The following NEK9 variants were observed in gnomAD, a reference collection of about 807,000 sequenced individuals.
The protein encoded by NEK9 is NIMA related kinase 9.
NEK9 carries 75 observed loss-of-function variants against 123.4 expected under a neutral mutation model. The ratio of observed to expected loss-of-function variants is 0.61; its 90% CI spans 0.50 to 0.74. NEK9 has a LOEUF of 0.74. Ranked by LOEUF, NEK9 falls within the 30% of genes least tolerant of loss-of-function variation. The pLI is 0.00. For synonymous variants in NEK9, 438 were observed against 458.7 expected (o/e 0.95, Z 0.58); for missense variants, 952 against 1,214.4 (o/e 0.78, Z 3.21).
chr14:75,091,219 C>T (rs1303047259), intron 19 of NEK9, 51 bp downstream of exon 19: 1 of 1,475,178 alleles, frequency 6.8e-7, no homozygotes, highest in East Asian at 2.4e-5. Context: ...CTTTCTAGTT[C>T]CTGCAAAGGG....
At chr14:75,094,330 A>G (rs1473661508) in intron 18 of NEK9, among the ~76,000 whole-genome samples, 1 of 152,118 alleles carries the variant, frequency 6.6e-6, no homozygotes, top group East Asian at 1.9e-4. Context: ...CCCAGGCCGG[A>G]TTGCAGTGGC....
chr14:75,101,883 A>C lies in NEK9; in HGVS notation c.1732-118T>G, dbSNP rs181273676. 2.8e-5 allele frequency: 18 copies of C among 652,116 alleles called. No individual in the cohort carries two copies. In the East Asian group the frequency reaches 4.3e-4, roughly 16 times the overall value. 40.4% of individuals were successfully genotyped at this position (652,116 alleles called of 1,614,324 possible). The stretch of plus-strand genomic sequence containing the variant: ...GGCCTTTCAAGTAAGTTATATTACT[A>C]AGAAGAGGGTGCCAGGTAGTTTTCC... On this transcript the variant is annotated intron_variant, in intron 14 of 21. Coordinates refer to ENST00000238616, the MANE Select transcript of NEK9 (RefSeq NM_033116.6).
Position 75,101,168 on chromosome 14 carries a change from A to G in NEK9, c.1841-15T>C. 6.2e-6 allele frequency: 10 copies of G among 1,610,074 alleles called. No individual in the cohort carries two copies. Among genetic ancestry groups the G allele is most frequent in the Non-Finnish European group, 8.5e-6 (10 of 1,178,244 alleles). ...CCGGCCTCGCTCTGAGAGAGAAGCA[A>G]AAAGAAATAACAAGGCACAAATGAG... On this transcript the variant is annotated splice_polypyrimidine_tract_variant and intron_variant, in intron 15 of 21. Coordinates refer to ENST00000238616, the MANE Select transcript of NEK9 (RefSeq NM_033116.6).
chr14:75,088,436 G>C (rs762995030), intron 20 of NEK9, 44 bp downstream of exon 20: 2 of 1,592,790 alleles, frequency 1.3e-6, no homozygotes, highest in Admixed American at 3.5e-5. Context: ...AGCTTGCAGT[G>C]ACTGTTTACC....
chr14:75,097,098 A>T lies in NEK9; in HGVS notation c.2173+2T>A. ...CCAACCCCAGACATATGAAACTCTT[A>T]CCAACGATGAGAATGGTATGCCATC... On this transcript the variant is annotated splice_donor_variant, in intron 17 of 21. Coordinates refer to ENST00000238616, the MANE Select transcript of NEK9 (RefSeq NM_033116.6). LOFTEE classifies it high-confidence loss of function. 1 of 1,601,506 alleles carries T rather than the reference A, an allele frequency of 6.2e-7. No individual in the cohort carries two copies.
rs1213036633 is a variant in NEK9 at position 75,079,415 on chromosome 14, G to A, written c.*5149C>T. ...AGGTATCACATAATAAAGCTTTATG[G>A]TTAGCCCCTTAAGGAAACCTCACAC... is the stretch of plus-strand genomic sequence containing the variant. On this transcript the variant is annotated 3_prime_UTR_variant, in exon 22 of 22. Transcript: ENST00000238616. 1 of 152,082 alleles carries A rather than the reference G, an allele frequency of 6.6e-6. No individual in the cohort carries two copies. The highest frequency in any genetic ancestry group is 1.9e-4 in the East Asian group (1 of 5,198). 9.4% of individuals were successfully genotyped at this position (152,082 alleles called of 1,614,324 possible).
intron 14 of NEK9, among the ~76,000 whole-genome samples, 169 bp downstream of exon 14, chr14:75,103,673 G>T (rs1040686054): frequency 6.6e-6 from 1 of 152,148 alleles, no homozygotes; most frequent in African/African-American, 2.4e-5. Flanking sequence ...CACAGATAGA[G>T]CTATATAGCA....
At chr14:75,123,915 T>G (rs989192439) in intron 2 of NEK9, 131 bp downstream of exon 2, 1 of 773,884 alleles carries the variant, frequency 1.3e-6, no homozygotes, top group African/African-American at 1.7e-5. Context: ...GCCTGAAAAG[T>G]TTCTCTTAAA....
In NEK9 at chr14:75,095,389, C is replaced by G. The variant is rs763558636; in HGVS notation, c.2216G>C (p.Gly739Ala). The G allele has an allele frequency of 3.1e-6, 5 of 1,613,140 alleles. No homozygotes were observed. The highest frequency in any genetic ancestry group is 4.2e-6 in the Non-Finnish European group (5 of 1,179,374). Residue 739 changes from glycine to alanine, a missense_variant, in exon 18 of 22, where the codon GGC (glycine) becomes GCC (alanine). Physicochemically the swap from Gly to Ala is moderately conservative, Grantham distance 60. Coordinates refer to ENST00000238616, the MANE Select transcript of NEK9 (RefSeq NM_033116.6). ...GTACTTACCAGTTCCAATGGATAAGCCACTGCTATTGGAACGGATGGTCTT... is the reference window on the plus strand; with the variant it reads ...GTACTTACCAGTTCCAATGGATAAGGCACTGCTATTGGAACGGATGGTCTT... ...NSKTIRSNSSGLSIGTVFQSS... is the reference protein window; with the variant it reads ...NSKTIRSNSSALSIGTVFQSS...
rs1895558315 is a variant in NEK9 at position 75,126,967 on chromosome 14, G to T, written c.-46C>A. ...GGGACCAGCCTGCGTATGCCCGGAGGCCCTGGCCGCGCTGCGTCCCGCTCG... is the reference window on the plus strand; with the variant it reads ...GGGACCAGCCTGCGTATGCCCGGAGTCCCTGGCCGCGCTGCGTCCCGCTCG... On this transcript the variant is annotated 5_prime_UTR_variant, in exon 1 of 22. Coordinates refer to ENST00000238616, the MANE Select transcript of NEK9 (RefSeq NM_033116.6). The T allele has an allele frequency of 1.0e-5, 14 of 1,376,788 alleles. No homozygotes were observed. Among genetic ancestry groups the T allele is most frequent in the Non-Finnish European group, 1.3e-5 (14 of 1,052,516 alleles). 85.3% of individuals were successfully genotyped at this position (1,376,788 alleles called of 1,614,324 possible). A position where few individuals can be genotyped will look rare whatever the true frequency, so the allele number is the denominator to read the frequency against.
chr14:75,090,728 CA>C (rs1056821805), intron 19 of NEK9, among the ~76,000 whole-genome samples: 120 of 152,068 alleles, frequency 7.9e-4, no homozygotes, highest in African/African-American at 2.8e-3. Flanking sequence ...CACACTACTA[CA>C]CCCGGCTAAT....
chr14:75,119,832 C>T (rs188660806), intron 4 of NEK9, among the ~76,000 whole-genome samples: 4 of 152,046 alleles, frequency 2.6e-5, no homozygotes, highest in East Asian at 1.9e-4. Flanking sequence ...TTGAAAGATG[C>T]GAATAAACCA....
intron 1 of NEK9, among the ~76,000 whole-genome samples, chr14:75,125,070 C>T (rs1371023721): frequency 6.6e-6 from 1 of 151,786 alleles, no homozygotes; most frequent in South Asian, 2.1e-4. Context: ...CACTGTGCCT[C>T]GCCTCATTCT....
intron 20 of NEK9, among the ~76,000 whole-genome samples, chr14:75,088,273 C>G (rs991122260): frequency 6.6e-6 from 1 of 152,196 alleles, no homozygotes; most frequent in African/African-American, 2.4e-5. Context: ...AAGGTGTTAG[C>G]CTGTCAGAAA....
intron 4 of NEK9, 49 bp from the exon 5 acceptor site, chr14:75,118,984 A>T: frequency 9.7e-7 from 1 of 1,032,470 alleles, no homozygotes; most frequent in Non-Finnish European, 1.5e-6. Context: ...TAATTGTTTT[A>T]TTTCATCCCC....
chr14:75,086,128 G>A (rs1332688020), intron 21 of NEK9, among the ~76,000 whole-genome samples: 1 of 151,860 alleles, frequency 6.6e-6, no homozygotes, highest in Non-Finnish European at 1.5e-5. Flanking sequence ...GGTGGAGGTT[G>A]CAGTAAGCCG....
chr14:75,102,338 T>C (rs1894610760), intron 14 of NEK9, among the ~76,000 whole-genome samples: 1 of 152,180 alleles, frequency 6.6e-6, no homozygotes, highest in Admixed American at 6.5e-5. Context: ...AATATTGTTT[T>C]TTTTGTTTTT....
At chr14:75,118,715 A>G (rs1214625413) in intron 5 of NEK9, 115 bp downstream of exon 5, 2 of 670,838 alleles carry the variant, frequency 3.0e-6, no homozygotes, top group Non-Finnish European at 5.1e-6. Flanking sequence ...GACATGCATT[A>G]AAAGTATGGA....
chr14:75,106,766 G>T, intron 11 of NEK9, 64 bp from the exon 12 acceptor site: 1 of 1,361,900 alleles, frequency 7.3e-7, no homozygotes. Flanking sequence ...TCAGAAAGTT[G>T]GGCAGGGCTG....
Sources: allele counts gnomAD v4.1 joint callset (sites outside exome capture counted in the v4.1 genomes callset), GRCh38; gene constraint gnomAD v4.1.1; transcripts MANE v1.5; gene names NCBI Gene and HGNC (gene_info 2026-07-23, HGNC 2026-07-21).